PXN: variants seen among roughly 807,000 people sequenced by gnomAD.
PXN encodes the protein paxillin, also known as testicular tissue protein Li 134.
Under a neutral mutation model 103.6 loss-of-function variants are expected in PXN, and 61 were observed. The ratio of observed to expected loss-of-function variants is 0.59; its 90% confidence interval spans 0.48 to 0.73. The LOEUF (loss-of-function observed/expected upper bound fraction) is 0.73, where lower values mean the gene tolerates loss of function less well. Among genes scored for constraint, PXN ranks in the 30% least tolerant of loss-of-function variants. The pLI, the probability that PXN is intolerant of heterozygous loss-of-function variation, is 0.00. For synonymous variants in PXN, 562 were observed against 607.8 expected (o/e 0.92, Z 1.11); for missense variants, 1,274 against 1,460.3 (o/e 0.87, Z 2.08).
rs1566394211 is a variant in PXN, at chr12:120,224,493, C to G, written c.14-116G>C. ...AATGCCTTCTAGCACCTGCCCCACC[C>G]ATGGGAGAAATGACCAGCCTTGGGA... On this transcript the variant is annotated intron_variant, in intron 1 of 14. Coordinates refer to ENST00000637617, the MANE Select transcript of PXN (RefSeq NM_001385981.1). This position sits in a 1 kb window ranked among gnomAD's most constrained non-coding sequence, Gnocchi z 5.0. 1.2e-6 allele frequency: 1 copy of G among 824,440 alleles called. No homozygotes were observed. Among genetic ancestry groups the G allele is most frequent in the Non-Finnish European group, 2.1e-6 (1 of 471,666 alleles). 51.1% of individuals were successfully genotyped at this position (824,440 alleles called of 1,614,324 possible). A position where few individuals can be genotyped will look rare whatever the true frequency, so the allele number is the denominator to read the frequency against.
intron 1 of PXN, among the ~76,000 whole-genome samples, chr12:120,249,052 G>C (rs140369376): frequency 1.3e-5 from 2 of 152,030 alleles, no homozygotes; most frequent in African/African-American, 2.4e-5. Flanking sequence ...CACGAGAATC[G>C]CTTGAACCTG....
chr12:120,226,556 ACACCCGCTC>A (rs2136366294), intron 1 of PXN: 6 of 1,215,050 alleles, frequency 4.9e-6, no homozygotes, highest in South Asian at 2.9e-5. Flanking sequence ...ACTCCACCAA[ACACCCGCTC>A]CACCACAATG....
At position 120,216,280 on chromosome 12, in the gene PXN, G is replaced by T. The variant is rs142650330; in HGVS notation, c.2294C>A (p.Pro765Gln). 4.8e-5 allele frequency: 61 copies of T among 1,276,042 alleles called. No individual in the cohort carries two copies. Among genetic ancestry groups the T allele is most frequent in the Non-Finnish European group, 5.4e-5 (55 of 1,015,496 alleles). The allele number at this position is 1,276,042 out of a possible 1,614,324, so 79.0% of individuals were successfully genotyped here. Residue 765 changes from proline (P) to glutamine (Q), a missense_variant, in exon 9 of 15, where the codon CCG (proline) becomes CAG (glutamine). By Grantham distance (76) the Pro-to-Gln change is moderately conservative (BLOSUM62 -1). Around this residue, in one of 2 missense-constraint regions of PXN, gnomAD observed 1,178 missense variants for 1,309.0 expected, o/e 0.90. Coordinates refer to ENST00000637617, the MANE Select transcript of PXN (RefSeq NM_001385981.1). The surrounding 1 kb of genome is among the most constrained non-coding windows in gnomAD (Gnocchi z 5.1). ...CQTDEDPLFP[P>Q]MQIQGLEQRA... ...GGCTCCTTTAAGGCCTGCCTGCATC[G>T]GGGGGAAGAGCGGGTCCTCATCAGT...
chr12:120,226,015 G>A (rs564979216), intron 1 of PXN: 6 of 1,060,378 alleles, frequency 5.7e-6, no homozygotes, highest in Middle Eastern at 4.5e-4. Flanking sequence ...AGCCCGCCCC[G>A]CCCTCCGGGT....
In PXN at chr12:120,217,158, A is replaced by G. The variant is rs1883401586; in HGVS notation, c.1717-42T>C. 5 of 1,472,236 alleles carry G rather than the reference A, an allele frequency of 3.4e-6. No homozygotes were observed. The highest frequency in any genetic ancestry group is 4.6e-6 in the Non-Finnish European group (5 of 1,083,976). The allele number at this position is 1,472,236 out of a possible 1,614,324, so 91.2% of individuals were successfully genotyped here. ...GGGAGGCTGTCACCGTCCCACTCCC[A>G]GCTTGCACAACGCTGCTCAGGCCAC... On this transcript the variant is annotated intron_variant, in intron 7 of 14. Coordinates refer to ENST00000637617, the MANE Select transcript of PXN (RefSeq NM_001385981.1). This position sits in a 1 kb window ranked among gnomAD's most constrained non-coding sequence, Gnocchi z 4.1.
At chr12:120,244,375 G>T (rs1254515084) in intron 1 of PXN, among the ~76,000 whole-genome samples, 1 of 151,386 alleles carries the variant, frequency 6.6e-6, no homozygotes. Context: ...GGTCGGGCGC[G>T]GTGGCTCACG....
chr12:120,264,956 A>AG (rs1457517503), intron 1 of PXN, among the ~76,000 whole-genome samples: 3 of 151,914 alleles, frequency 2.0e-5, no homozygotes, highest in Admixed American at 2.0e-4. Context: ...CCAGATTTGA[A>AG]GTGGGGGGTC....
In PXN at chr12:120,215,990, G is replaced by A; in HGVS notation, c.2301+283C>T. On this transcript the variant is annotated intron_variant, in intron 9 of 14. Transcript: ENST00000637617. This position sits in a 1 kb window ranked among gnomAD's most constrained non-coding sequence, Gnocchi z 4.9. The stretch of plus-strand genomic sequence containing the variant: ...AGGTTTCTGGTCTCCCTTCTGGAGT[G>A]GCTTCTTTCCTCGATGGGAGCCCGG... The A allele has an allele frequency of 7.3e-7, 1 of 1,366,078 alleles. No homozygotes were observed. Among genetic ancestry groups the A allele is most frequent in the East Asian group, 2.8e-5 (1 of 36,090 alleles). 84.6% of individuals were successfully genotyped at this position (1,366,078 alleles called of 1,614,324 possible).
Position 120,216,862 on chromosome 12 carries a change from G to A in PXN, c.1971C>T (p.Ala657=), listed in dbSNP as rs781125267. The A allele has an allele frequency of 1.7e-5, 25 of 1,510,468 alleles. No homozygotes were observed. Among genetic ancestry groups the A allele is most frequent in the South Asian group, 1.0e-4 (8 of 79,206 alleles). The allele number at this position is 1,510,468 out of a possible 1,614,324, so 93.6% of individuals were successfully genotyped here. A position where few individuals can be genotyped will look rare whatever the true frequency, so the allele number is the denominator to read the frequency against. Residue 657 remains alanine (A), a synonymous_variant, in exon 8 of 15, where the codon GCC becomes GCT. Coordinates refer to ENST00000637617, the MANE Select transcript of PXN (RefSeq NM_001385981.1). This position sits in a 1 kb window ranked among gnomAD's most constrained non-coding sequence, Gnocchi z 5.1. ...CCACCTTCTCTACGAGCTGCCCCCC[G>A]GCCCGCTTCCCACGTGGCTGCACAG... The part of the protein sequence containing the change: ...IITVQPRGKR[A]GGQLVEKVVF...
chr12:120,221,568 G>T lies in PXN; in HGVS notation c.831+55C>A. 6.6e-7 allele frequency: 1 copy of T among 1,517,036 alleles called. No individual in the cohort carries two copies. Among genetic ancestry groups the T allele is most frequent in the South Asian group, 1.2e-5 (1 of 80,194 alleles). The allele number at this position is 1,517,036 out of a possible 1,614,324, so 94.0% of individuals were successfully genotyped here. On this transcript the variant is annotated intron_variant, in intron 6 of 14. Coordinates refer to ENST00000637617, the MANE Select transcript of PXN (RefSeq NM_001385981.1). The surrounding 1 kb of genome is among the most constrained non-coding windows in gnomAD (Gnocchi z 6.6). ...AGCTACCCACACTGAGGTAAGGGAGGAGAAGGATGAGGGAGGGGCGGCAGG... is the reference window on the plus strand; with the variant it reads ...AGCTACCCACACTGAGGTAAGGGAGTAGAAGGATGAGGGAGGGGCGGCAGG...
intron 1 of PXN, among the ~76,000 whole-genome samples, chr12:120,244,664 A>T (rs1890751196): frequency 6.7e-6 from 1 of 149,784 alleles, no homozygotes; most frequent in East Asian, 2.0e-4. Context: ...AAAAAAAAAA[A>T]ATACAAAACT....
At position 120,217,151 on chromosome 12, in the gene PXN, C is replaced by T; in HGVS notation, c.1717-35G>A. On this transcript the variant is annotated intron_variant, in intron 7 of 14. Coordinates refer to ENST00000637617, the MANE Select transcript of PXN (RefSeq NM_001385981.1). The surrounding 1 kb of genome is among the most constrained non-coding windows in gnomAD (Gnocchi z 4.1). Reference sequence around the variant, plus strand: ...GGGGGAGGGGAGGCTGTCACCGTCCCACTCCCAGCTTGCACAACGCTGCTC... The same window carrying T: ...GGGGGAGGGGAGGCTGTCACCGTCCTACTCCCAGCTTGCACAACGCTGCTC... 6.6e-7 allele frequency: 1 copy of T among 1,513,326 alleles called. No individual in the cohort carries two copies. Among genetic ancestry groups the T allele is most frequent in the Non-Finnish European group, 8.9e-7 (1 of 1,119,710 alleles). 93.7% of individuals were successfully genotyped at this position (1,513,326 alleles called of 1,614,324 possible). A position where few individuals can be genotyped will look rare whatever the true frequency, so the allele number is the denominator to read the frequency against.
Position 120,213,831 on chromosome 12 carries a change from G to A in PXN, c.2979+11C>T. The A allele has an allele frequency of 6.2e-7, 1 of 1,607,524 alleles. No homozygotes were observed. The highest frequency in any genetic ancestry group is 1.7e-5 in the Admixed American group (1 of 59,038). On this transcript the variant is annotated intron_variant, in intron 14 of 14. Coordinates refer to ENST00000637617, the MANE Select transcript of PXN (RefSeq NM_001385981.1). The surrounding 1 kb of genome is among the most constrained non-coding windows in gnomAD (Gnocchi z 4.2). ...TCCTCGCCCCTCCAGATGTGGTCAG[G>A]GGCTCCTTACCCGGCACACAAAGCA... is the stretch of plus-strand genomic sequence containing the variant.
Position 120,254,924 on chromosome 12 carries a change from A to G in PXN, c.13+10693T>C, listed in dbSNP as rs137952129. Among the ~76,000 whole-genome samples the G allele has an allele frequency of 2.3e-3, 356 of 152,336 alleles. 2 individuals are homozygous for G. The highest frequency in any genetic ancestry group is 8.0e-3 in the African/African-American group (334 of 41,584). On this transcript the variant is annotated intron_variant, in intron 1 of 14. Transcript: ENST00000637617. Reference sequence around the variant, plus strand: ...AGCTTAACGTGCTACACAAATGCCCATTATCTAATACAGGCCCAGAGAAGA... The same window carrying G: ...AGCTTAACGTGCTACACAAATGCCCGTTATCTAATACAGGCCCAGAGAAGA...
At position 120,215,528 on chromosome 12, in the gene PXN, C is replaced by G. The variant is rs377375974; in HGVS notation, c.2403+32G>C. The G allele has an allele frequency of 6.5e-7, 1 of 1,549,044 alleles. No individual in the cohort carries two copies. The highest frequency in any genetic ancestry group is 1.4e-5 in the African/African-American group (1 of 73,026). On this transcript the variant is annotated intron_variant, in intron 10 of 14. Transcript: ENST00000637617. This position sits in a 1 kb window ranked among gnomAD's most constrained non-coding sequence, Gnocchi z 4.9. ...GGCCAAGCCCAGGGAGAGCACGACA[C>G]GCAGGACACCCAGCCCAGCCTTGGC...
chr12:120,244,571 C>T (rs1890723143), intron 1 of PXN, among the ~76,000 whole-genome samples: 1 of 151,770 alleles, frequency 6.6e-6, no homozygotes, highest in Non-Finnish European at 1.5e-5. Flanking sequence ...TGGCGTGAAC[C>T]CGGGAGGCGG....
At chr12:120,231,264 C>T (rs929629783) in intron 1 of PXN, among the ~76,000 whole-genome samples, 3 of 152,222 alleles carry the variant, frequency 2.0e-5, no homozygotes, top group Admixed American at 6.5e-5. Flanking sequence ...TATATAGCAC[C>T]TTTGAGCTCT....
intron 1 of PXN, among the ~76,000 whole-genome samples, chr12:120,250,679 A>C (rs1892001237): frequency 6.6e-6 from 1 of 152,144 alleles, no homozygotes; most frequent in African/African-American, 2.4e-5. Flanking sequence ...ACCAAAACCC[A>C]ACTTAACACC....
In PXN at chr12:120,229,196, G is replaced by A. The variant is rs191012414; in HGVS notation, c.14-4819C>T. Among the ~76,000 whole-genome samples, 14 of 152,254 alleles carry A rather than the reference G, an allele frequency of 9.2e-5. No homozygotes were observed. Among genetic ancestry groups the A allele is most frequent in the Admixed American group, 5.2e-4 (8 of 15,290 alleles). On this transcript the variant is annotated intron_variant, in intron 1 of 14. Coordinates refer to ENST00000637617, the MANE Select transcript of PXN (RefSeq NM_001385981.1). The surrounding 1 kb of genome is among the most constrained non-coding windows in gnomAD (Gnocchi z 4.0). ...CCCAGACTGTGGCTCTGGGGACCCC[G>A]GTTGATCCACTGACGCATGGCACTC... is the stretch of plus-strand genomic sequence containing the variant.
Sources: allele counts gnomAD v4.1 joint callset (sites outside exome capture counted in the v4.1 genomes callset), GRCh38; gene constraint gnomAD v4.1.1; regional missense constraint gnomAD v4.1.1; non-coding constraint Gnocchi (gnomAD v3.1); transcripts MANE v1.5; gene names NCBI Gene and HGNC (gene_info 2026-07-23, HGNC 2026-07-21).